HYAL4: variants seen among roughly 807,000 people sequenced by gnomAD.
HYAL4 encodes the protein hyaluronidase-4.
Under a neutral mutation model 35.2 loss-of-function variants are expected in HYAL4, and 37 were observed. The observed-to-expected ratio is 1.05, with a 90% CI of 0.81 to 1.38. The LOEUF (loss-of-function observed/expected upper bound fraction) is 1.38. HYAL4 is among the 40% of genes most tolerant of loss of function. HYAL4 has a pLI of 0.00. For synonymous variants in HYAL4, 198 were observed against 203.2 expected (o/e 0.97, Z 0.22); for missense variants, 572 against 572.4 (o/e 1.00, Z 0.01).
At chr7:123,858,010 A>C (rs1806494071) in intron 2 of HYAL4, among the ~76,000 whole-genome samples, 1 of 152,090 alleles carries the variant, frequency 6.6e-6, no homozygotes, top group African/African-American at 2.4e-5. Flanking sequence ...CAGCCTGGGC[A>C]ACATGGTAAA....
chr7:123,828,679 T>C (rs1342741311), upstream of HYAL4, among the ~76,000 whole-genome samples: 1 of 152,190 alleles, frequency 6.6e-6, no homozygotes, highest in African/African-American at 2.4e-5. Flanking sequence ...ACTACAAATA[T>C]ATCTTTACAT....
chr7:123,807,432 G>GTTTGTTTTTTTTTTTTT, the HYAL4 span, among the ~76,000 whole-genome samples: 1 of 120,802 alleles, frequency 8.3e-6, no homozygotes, highest in Non-Finnish European at 1.7e-5. Flanking sequence ...ACTTTTTATG[G>GTTTGTTTTTTTTTTTTT]TTTTTTTTTT....
At chr7:123,806,238 T>C in the HYAL4 span, among the ~76,000 whole-genome samples, 3 of 151,994 alleles carry the variant, frequency 2.0e-5, no homozygotes, top group Non-Finnish European at 4.4e-5. Flanking sequence ...CCTTGGAACA[T>C]GGAGGGGAAA....
chr7:123,852,416 T>G (rs1383715416), intron 2 of HYAL4, among the ~76,000 whole-genome samples: 1 of 152,200 alleles, frequency 6.6e-6, no homozygotes, highest in East Asian at 1.9e-4. Flanking sequence ...ATTTTTTGTA[T>G]AAGGTGTAAG....
At chr7:123,872,819 T>G (rs1173191414) in intron 3 of HYAL4, among the ~76,000 whole-genome samples, 1 of 152,152 alleles carries the variant, frequency 6.6e-6, no homozygotes, top group Non-Finnish European at 1.5e-5. Context: ...GAGGTGACAG[T>G]GAACTAATTT....
chr7:123,849,668 T>C (rs1053711631), intron 2 of HYAL4, among the ~76,000 whole-genome samples: 1 of 152,166 alleles, frequency 6.6e-6, no homozygotes, highest in East Asian at 1.9e-4. Context: ...ACAAAATTTT[T>C]GTTCCTTCAT....
chr7:123,782,879 C>T, the HYAL4 span, among the ~76,000 whole-genome samples: 1 of 151,972 alleles, frequency 6.6e-6, no homozygotes, highest in Non-Finnish European at 1.5e-5. Flanking sequence ...CATATAACAT[C>T]CCACAGAACA....
chr7:123,838,619 A>G (rs1806006288), intron 1 of HYAL4, among the ~76,000 whole-genome samples: 1 of 151,994 alleles, frequency 6.6e-6, no homozygotes, highest in Non-Finnish European at 1.5e-5. Context: ...TGCCTACGTG[A>G]TAGTCTTTTT....
At chr7:123,839,996 AT>A (rs1300030287) in intron 1 of HYAL4, among the ~76,000 whole-genome samples, 3 of 151,886 alleles carry the variant, frequency 2.0e-5, no homozygotes, top group Admixed American at 2.0e-4. Context: ...GTTTAATTAG[AT>A]CCCATTTGTC....
At chr7:123,832,411 T>G (rs1030308939) in intron 1 of HYAL4, among the ~76,000 whole-genome samples, 2 of 150,736 alleles carry the variant, frequency 1.3e-5, no homozygotes, top group African/African-American at 4.9e-5. Context: ...GAACCCGATT[T>G]GTAGTCTTTT....
the HYAL4 span, among the ~76,000 whole-genome samples, chr7:123,803,149 C>G: frequency 6.6e-6 from 1 of 152,152 alleles, no homozygotes; most frequent in African/African-American, 2.4e-5. Flanking sequence ...ACTCCATGGG[C>G]AAGGTGGCAT....
chr7:123,798,602 C>A, the HYAL4 span, among the ~76,000 whole-genome samples: 1 of 152,154 alleles, frequency 6.6e-6, no homozygotes, highest in African/African-American at 2.4e-5. Context: ...GTGTCAATCA[C>A]GTTCACGGGG....
chr7:123,770,097 C>T, the HYAL4 span, among the ~76,000 whole-genome samples: 1 of 151,854 alleles, frequency 6.6e-6, no homozygotes, highest in African/African-American at 2.4e-5. Context: ...CGTTCACCTA[C>T]ATTGTTCATT....
the HYAL4 span, among the ~76,000 whole-genome samples, chr7:123,774,575 G>T: frequency 2.0e-5 from 3 of 152,152 alleles, no homozygotes; most frequent in African/African-American, 7.2e-5. Flanking sequence ...TTCATGGTCA[G>T]TGCTGCAGTC....
chr7:123,781,880 TG>T, the HYAL4 span, among the ~76,000 whole-genome samples: 9 of 152,254 alleles, frequency 5.9e-5, 1 homozygote, highest in South Asian at 4.1e-4. Context: ...GTCTAGAACC[TG>T]GGTTACTTCA....
chr7:123,842,653 A>AG, upstream of HYAL4, among the ~76,000 whole-genome samples: 1 of 151,942 alleles, frequency 6.6e-6, no homozygotes, highest in Non-Finnish European at 1.5e-5. Flanking sequence ...TAGGTCTCTA[A>AG]GGACTTGCTT....
At chr7:123,835,276 A>G (rs1413119072) in intron 1 of HYAL4, among the ~76,000 whole-genome samples, 1 of 151,954 alleles carries the variant, frequency 6.6e-6, no homozygotes, top group Non-Finnish European at 1.5e-5. Flanking sequence ...TGGTCTGTTC[A>G]GGGTATCTAA....
At chr7:123,785,049 C>A in the HYAL4 span, among the ~76,000 whole-genome samples, 1 of 152,132 alleles carries the variant, frequency 6.6e-6, no homozygotes, top group African/African-American at 2.4e-5. This position sits in a 1 kb window ranked among gnomAD's most constrained non-coding sequence, Gnocchi z 4.5. Context: ...GTACCATAAA[C>A]AATTATTGAA....
chr7:123,825,637 A>G (rs910104141), upstream of HYAL4, among the ~76,000 whole-genome samples: 13 of 152,132 alleles, frequency 8.5e-5, no homozygotes, highest in African/African-American at 2.7e-4. Flanking sequence ...CCAAGAATCA[A>G]CCATGTCACA....
Sources: allele counts gnomAD v4.1 joint callset (sites outside exome capture counted in the v4.1 genomes callset), GRCh38; gene constraint gnomAD v4.1.1; non-coding constraint Gnocchi (gnomAD v3.1); transcripts MANE v1.5; gene names NCBI Gene and HGNC (gene_info 2026-07-23, HGNC 2026-07-21).